OVOL2: variants seen among roughly 807,000 people sequenced by gnomAD.
OVOL2 encodes transcription factor Ovo-like 2.
OVOL2 carries 13 observed loss-of-function variants against 18.1 expected under a neutral mutation model. The observed-to-expected ratio is 0.72, with a 90% CI of 0.47 to 1.14. The LOEUF is 1.14. Among genes scored for constraint, OVOL2 ranks in the 50% most tolerant of loss-of-function variants. OVOL2 has a pLI of 0.00. For synonymous variants in OVOL2, 166 were observed against 162.7 expected, an observed-to-expected ratio of 1.02 and a Z score of -0.16; for missense variants, 335 against 383.0, an observed-to-expected ratio of 0.87 and a Z score of 1.05.
chr20:18,057,603 C>T lies in OVOL2; in HGVS notation c.32G>A (p.Ser11Asn). The change falls in exon 1 of 4, where the codon AGC (serine) becomes AAC (asparagine). Residue 11 changes from serine to asparagine, a missense_variant. Ser to Asn is a conservative substitution (Grantham distance 46). Transcript: ENST00000278780. This position sits in a 1 kb window ranked among gnomAD's most constrained non-coding sequence, Gnocchi z 6.3. MPKVFLVKRR[S>N]LGVSVRSWDE... Reference sequence around the variant, plus strand: ...CCAGCTGCGGACCGAGACCCCCAGGCTCCTCCTCTTCACCAGGAAGACTTT... The same window carrying T: ...CCAGCTGCGGACCGAGACCCCCAGGTTCCTCCTCTTCACCAGGAAGACTTT... 6.3e-7 allele frequency: 1 copy of T among 1,595,552 alleles called. No individual in the cohort carries two copies. Among genetic ancestry groups the T allele is most frequent in the Non-Finnish European group, 8.5e-7 (1 of 1,170,780 alleles).
At chr20:18,053,996 A>G (rs1257122387) in intron 2 of OVOL2, among the ~76,000 whole-genome samples, 4 of 152,094 alleles carry the variant, frequency 2.6e-5, no homozygotes, top group African/African-American at 7.2e-5. Context: ...TCAAATCCAC[A>G]TCAGGACACT....
rs935317824 is a variant in OVOL2 at position 18,056,817 on chromosome 20, C to G, written c.161G>C (p.Ser54Thr). The part of the protein sequence containing the change: ...PEDCRSDGGS[S>T]SGSGSSSAGE... Reference sequence around the variant, plus strand: ...CGCGCTGCTGCTGCCGCTGCCGCTGCTGCTGCCGCCGTCGCTGCGGCAGTC... The same window carrying G: ...CGCGCTGCTGCTGCCGCTGCCGCTGGTGCTGCCGCCGTCGCTGCGGCAGTC... Residue 54 changes from serine (S) to threonine (T), a missense_variant, in exon 2 of 4, where the codon AGC (serine) becomes ACC (threonine). By Grantham distance (58) the Ser-to-Thr change is moderately conservative (BLOSUM62 1). Coordinates refer to ENST00000278780, the MANE Select transcript of OVOL2 (RefSeq NM_021220.4). This position sits in a 1 kb window ranked among gnomAD's most constrained non-coding sequence, Gnocchi z 4.2. 3.3e-6 allele frequency: 5 copies of G among 1,492,800 alleles called. No homozygotes were observed. Among genetic ancestry groups the G allele is most frequent in the African/African-American group, 2.9e-5 (2 of 68,682 alleles). 92.5% of individuals were successfully genotyped at this position (1,492,800 alleles called of 1,614,324 possible). A position where few individuals can be genotyped will look rare whatever the true frequency, so the allele number is the denominator to read the frequency against.
chr20:18,048,462 C>T (rs1477141058), intron 2 of OVOL2, among the ~76,000 whole-genome samples: 6 of 152,090 alleles, frequency 3.9e-5, no homozygotes, highest in Admixed American at 2.0e-4. Context: ...TATAGTGGCT[C>T]ATGCCTGTAA....
At chr20:18,044,644 G>C (rs1463422761) in intron 2 of OVOL2, among the ~76,000 whole-genome samples, 1 of 152,202 alleles carries the variant, frequency 6.6e-6, no homozygotes, top group East Asian at 1.9e-4. Context: ...TTAATCCCCA[G>C]TCCCTAGGAA....
chr20:18,024,794 G>C lies in OVOL2; in HGVS notation c.670C>G (p.Pro224Ala), dbSNP rs920812599. Residue 224 changes from proline to alanine, a missense_variant, in exon 4 of 4, where the codon CCC becomes GCC. Coordinates refer to ENST00000278780, the MANE Select transcript of OVOL2 (RefSeq NM_021220.4). Reference sequence around the variant, plus strand: ...TGCAGGTACAGGTCCTCCTGGGTGGGGCCCGTGTAGCCGCAATCCTCGCAG... The same window carrying C: ...TGCAGGTACAGGTCCTCCTGGGTGGCGCCCGTGTAGCCGCAATCCTCGCAG... ...YVCEDCGYTGPTQEDLYLHVN... is the reference protein window; with the variant it reads ...YVCEDCGYTGATQEDLYLHVN... The C allele has an allele frequency of 7.4e-6, 12 of 1,614,054 alleles. No individual in the cohort carries two copies. In the African/African-American group the frequency reaches 1.5e-4, roughly 20 times the overall value.
chr20:18,025,347 G>A (rs573784201), intron 3 of OVOL2, among the ~76,000 whole-genome samples: 1 of 152,212 alleles, frequency 6.6e-6, no homozygotes, highest in South Asian at 2.1e-4. Context: ...GCAGGCGGAT[G>A]ACTTGAGGTC....
chr20:18,052,795 T>C (rs368885353), intron 2 of OVOL2, among the ~76,000 whole-genome samples: 42 of 152,356 alleles, frequency 2.8e-4, no homozygotes, highest in East Asian at 1.9e-3. Flanking sequence ...TACTCCATAC[T>C]TGGACCTGGG....
chr20:18,057,161 A>T lies in OVOL2; in HGVS notation c.101-284T>A, dbSNP rs895576262. On this transcript the variant is annotated intron_variant, in intron 1 of 3. Transcript: ENST00000278780. The surrounding 1 kb of genome is among the most constrained non-coding windows in gnomAD (Gnocchi z 6.3). ...GCCAAGTTTCCTCTCAGGGCGGGGG[A>T]GGCGGATCTGACCTCTCCCCAGCTA... Among the ~76,000 whole-genome samples, 7 of 149,708 alleles carry T rather than the reference A, an allele frequency of 4.7e-5. No homozygotes were observed. The highest frequency in any genetic ancestry group is 4.6e-4 in the Admixed American group (7 of 15,112).
intron 3 of OVOL2, among the ~76,000 whole-genome samples, chr20:18,039,187 G>A (rs1316808142): frequency 1.3e-5 from 2 of 152,194 alleles, no homozygotes; most frequent in Non-Finnish European, 2.9e-5. Flanking sequence ...TCTAGTGGCT[G>A]GAAATATTCT....
At chr20:18,026,673 G>T (rs549733019) in intron 3 of OVOL2, among the ~76,000 whole-genome samples, 12 of 152,214 alleles carry the variant, frequency 7.9e-5, no homozygotes, top group Non-Finnish European at 1.8e-4. Context: ...GAGCCACCGC[G>T]CCGGGCCCAG....
chr20:18,024,932 T>C lies in OVOL2; in HGVS notation c.532A>G (p.Asn178Asp), dbSNP rs1404851501. Residue 178 changes from asparagine to aspartate, a missense_variant, in exon 4 of 4, where the codon AAC (asparagine) becomes GAC (aspartate). By Grantham distance (23) the Asn-to-Asp change is conservative. Coordinates refer to ENST00000278780, the MANE Select transcript of OVOL2 (RefSeq NM_021220.4). ...THTGIRPYKCNVCNKAFTQRC... is the reference protein window; with the variant it reads ...THTGIRPYKCDVCNKAFTQRC... ...TGGGTGAAGGCTTTATTGCAGACGT[T>C]GCATTTGTAGGGACGAATGCCTGAA... is the stretch of plus-strand genomic sequence containing the variant. 6.8e-6 allele frequency: 11 copies of C among 1,612,414 alleles called. No homozygotes were observed. Among genetic ancestry groups the C allele is most frequent in the Non-Finnish European group, 9.3e-6 (11 of 1,178,642 alleles).
At chr20:18,033,679 C>G (rs988436529) in intron 3 of OVOL2, among the ~76,000 whole-genome samples, 1 of 152,170 alleles carries the variant, frequency 6.6e-6, no homozygotes, top group Non-Finnish European at 1.5e-5. Context: ...CCTGCATGCT[C>G]GCTCCTGGGG....
intron 3 of OVOL2, among the ~76,000 whole-genome samples, chr20:18,026,569 G>T (rs556745812): frequency 1.3e-5 from 2 of 152,222 alleles, no homozygotes; most frequent in Admixed American, 6.5e-5. Flanking sequence ...CTTTAGTAGA[G>T]ACGGGGTTTC....
At chr20:18,048,358 TA>T (rs1168751003) in intron 2 of OVOL2, among the ~76,000 whole-genome samples, 1 of 151,608 alleles carries the variant, frequency 6.6e-6, no homozygotes, top group Non-Finnish European at 1.5e-5. Context: ...AAAGGGGAAC[TA>T]AAAAAAACAA....
intron 3 of OVOL2, among the ~76,000 whole-genome samples, chr20:18,026,157 C>G (rs2036513158): frequency 6.6e-6 from 1 of 152,204 alleles, no homozygotes; most frequent in African/African-American, 2.4e-5. Context: ...CATTGCCGCT[C>G]CTACCTCCAT....
intron 3 of OVOL2, among the ~76,000 whole-genome samples, chr20:18,037,256 G>T (rs2036624509): frequency 6.6e-6 from 1 of 152,192 alleles, no homozygotes; most frequent in African/African-American, 2.4e-5. Context: ...ACCCTACAGA[G>T]GATAAAAGAC....
intron 2 of OVOL2, among the ~76,000 whole-genome samples, chr20:18,054,925 C>A (rs6034947): frequency 0.049 from 7,383 of 152,200 alleles, 229 homozygotes; most frequent in Non-Finnish European, 0.067. Context: ...AATGCCATGG[C>A]TGATAATAAT....
Position 18,040,067 on chromosome 20 carries a change from G to C in OVOL2, c.511+1467C>G, listed in dbSNP as rs140693857. 1.7e-3 allele frequency among the ~76,000 whole-genome samples: 258 copies of C among 152,208 alleles called. 2 individuals are homozygous for C. The highest frequency in any genetic ancestry group is 5.4e-3 in the African/African-American group (226 of 41,530). ...AGTCTCCCAAGTAGCTAGGACTATA[G>C]GCACGCACCACCACGCCTGGCTAAT... On this transcript the variant is annotated intron_variant, in intron 3 of 3. Transcript: ENST00000278780.
intron 2 of OVOL2, among the ~76,000 whole-genome samples, chr20:18,043,640 A>G (rs2036697602): frequency 6.6e-6 from 1 of 152,132 alleles, no homozygotes; most frequent in African/African-American, 2.4e-5. Context: ...GTCTTGACCC[A>G]CGAAATCATA....
Sources: gnomAD v4.1 joint callset for allele counts (sites outside exome capture counted in the v4.1 genomes callset) on GRCh38, gnomAD v4.1.1 for gene constraint, Gnocchi (gnomAD v3.1) non-coding constraint, MANE v1.5 for transcripts, NCBI Gene and HGNC (gene_info 2026-07-23, HGNC 2026-07-21) for gene names.